MB21D2: variants seen among roughly 807,000 people sequenced by gnomAD.
MB21D2 encodes nucleotidyltransferase MB21D2.
Under a neutral mutation model 33.3 loss-of-function variants are expected in MB21D2, and 9 were observed. That is an observed-to-expected ratio of 0.27 (90% confidence interval 0.16 to 0.47). The LOEUF (loss-of-function observed/expected upper bound fraction) is 0.47, where lower values mean the gene tolerates loss of function less well. Among genes scored for constraint, MB21D2 ranks in the 20% least tolerant of loss-of-function variants. The pLI is 0.99. For missense variants in MB21D2, 540 were observed against 624.6 expected (o/e 0.86, Z 1.44); for synonymous variants, 241 against 236.3 (o/e 1.02, Z -0.18).
intron 1 of MB21D2, among the ~76,000 whole-genome samples, chr3:192,886,885 C>T (rs994673478): frequency 1.3e-5 from 2 of 151,934 alleles, no homozygotes; most frequent in African/African-American, 4.8e-5. Context: ...CATTCTCATC[C>T]ATAAGTCCAT....
chr3:192,865,290 G>A (rs1713145910), intron 1 of MB21D2, among the ~76,000 whole-genome samples: 1 of 152,230 alleles, frequency 6.6e-6, no homozygotes, highest in Non-Finnish European at 1.5e-5. Context: ...AGGAGGCTCA[G>A]AGGTAGGTGA....
chr3:192,917,607 A>G, intron 1 of MB21D2, 23 bp downstream of exon 1: 4 of 1,610,802 alleles, frequency 2.5e-6, no homozygotes, highest in Non-Finnish European at 3.4e-6. Context: ...ACGCACACAC[A>G]CCTCCCCCTT....
chr3:192,799,232 T>C lies in MB21D2; in HGVS notation c.630A>G (p.Val210=), dbSNP rs2108607390. The part of the protein sequence containing the change: ...QKKPQRGMPK[V]EKVEKNGTII... ...TGGTCCCATTTTTTTCCACCTTTTC[T>C]ACCTTTGGCATCCCTCGCTGGGGTT... The change falls in exon 2 of 2, where the codon GTA becomes GTG. Residue 210 remains valine, a synonymous_variant. Coordinates refer to ENST00000392452, the MANE Select transcript of MB21D2 (RefSeq NM_178496.4). This position sits in a 1 kb window ranked among gnomAD's most constrained non-coding sequence, Gnocchi z 4.1. 1 of 1,614,236 alleles carries C rather than the reference T, an allele frequency of 6.2e-7. No homozygotes were observed. Among genetic ancestry groups the C allele is most frequent in the Non-Finnish European group, 8.5e-7 (1 of 1,180,044 alleles).
intron 1 of MB21D2, among the ~76,000 whole-genome samples, chr3:192,891,118 G>T (rs1382833488): frequency 6.6e-6 from 1 of 152,116 alleles, no homozygotes; most frequent in East Asian, 1.9e-4. Flanking sequence ...AAGTTTTCTG[G>T]TCACATTAAT....
rs945806776 is a variant in MB21D2 at position 192,823,996 on chromosome 3, A to G, written c.212-24346T>C. Among the ~76,000 whole-genome samples the G allele has an allele frequency of 7.9e-5, 12 of 152,336 alleles. No homozygotes were observed. In the East Asian group the frequency reaches 2.1e-3, roughly 27 times the overall value. On this transcript the variant is annotated intron_variant, in intron 1 of 1. Transcript: ENST00000392452. ...CAGGAACTTGTTTTTGAGAGACCTC[A>G]GTGAGTACAAAAGACAATGTCTAGT...
chr3:192,865,642 G>T (rs1577188448), intron 1 of MB21D2, among the ~76,000 whole-genome samples: 1 of 152,272 alleles, frequency 6.6e-6, no homozygotes, highest in East Asian at 1.9e-4. Flanking sequence ...GATGCCTGTG[G>T]CTGTGATGAA....
chr3:192,820,124 G>A (rs1483509459), intron 1 of MB21D2, among the ~76,000 whole-genome samples: 1 of 152,116 alleles, frequency 6.6e-6, no homozygotes, highest in African/African-American at 2.4e-5. Flanking sequence ...GAGAGAAAGG[G>A]GAGGGAGATG....
intron 1 of MB21D2, among the ~76,000 whole-genome samples, chr3:192,862,168 T>C (rs1160649398): frequency 6.6e-6 from 1 of 152,208 alleles, no homozygotes; most frequent in African/African-American, 2.4e-5. Flanking sequence ...TCTGCTTTCA[T>C]CTGTGCTGCT....
chr3:192,817,955 C>A (rs1026737460), intron 1 of MB21D2, among the ~76,000 whole-genome samples: 1 of 149,764 alleles, frequency 6.7e-6, no homozygotes, highest in Non-Finnish European at 1.5e-5. Flanking sequence ...AGCCCCCAAA[C>A]GGATCCCCCA....
chr3:192,892,166 T>C (rs1441399200), intron 1 of MB21D2, among the ~76,000 whole-genome samples: 1 of 152,204 alleles, frequency 6.6e-6, no homozygotes, highest in African/African-American at 2.4e-5. Flanking sequence ...ACTTCAGGAA[T>C]CGTGCTACAT....
intron 1 of MB21D2, among the ~76,000 whole-genome samples, chr3:192,839,472 C>G (rs1488632412): frequency 6.6e-6 from 1 of 152,160 alleles, no homozygotes; most frequent in Non-Finnish European, 1.5e-5. Flanking sequence ...CATCAAGCAA[C>G]TCATCTTGAA....
intron 1 of MB21D2, among the ~76,000 whole-genome samples, chr3:192,851,548 G>A (rs1318461926): frequency 1.5e-5 from 2 of 137,150 alleles, no homozygotes; most frequent in Non-Finnish European, 3.0e-5. Context: ...AGGCTGGAGT[G>A]CAGTGCCACG....
chr3:192,833,091 T>C (rs1285398407), intron 1 of MB21D2, among the ~76,000 whole-genome samples: 1 of 151,978 alleles, frequency 6.6e-6, no homozygotes, highest in East Asian at 1.9e-4. Flanking sequence ...TCAATAATGT[T>C]AGGTCATTTT....
In MB21D2 at chr3:192,830,380, G is replaced by A. The variant is rs150334251; in HGVS notation, c.212-30730C>T. ...TTAAGCACTGTTTAGGTTCCATTCCGCACCCCCACCCCCTGCAAGCTAATT... is the reference window on the plus strand; with the variant it reads ...TTAAGCACTGTTTAGGTTCCATTCCACACCCCCACCCCCTGCAAGCTAATT... On this transcript the variant is annotated intron_variant, in intron 1 of 1. Transcript: ENST00000392452. 1.1e-3 allele frequency among the ~76,000 whole-genome samples: 174 copies of A among 151,946 alleles called. 2 individuals carry two copies. The highest frequency in any genetic ancestry group is 1.7e-3 in the Non-Finnish European group (115 of 67,976).
intron 1 of MB21D2, among the ~76,000 whole-genome samples, chr3:192,898,946 C>T (rs1714035489): frequency 6.6e-6 from 1 of 152,140 alleles, no homozygotes; most frequent in African/African-American, 2.4e-5. Flanking sequence ...GGAGGATGTG[C>T]TATTTTCAAA....
At position 192,878,229 on chromosome 3, in the gene MB21D2, C is replaced by CA. The variant is rs563603137; in HGVS notation, c.211+39400dup. Among the ~76,000 whole-genome samples, 309 of 151,146 alleles carry CA rather than the reference C, an allele frequency of 2.0e-3. 1 individual carries two copies. Among genetic ancestry groups the CA allele is most frequent in the Non-Finnish European group, 3.1e-3 (208 of 67,682 alleles). ...CTCCTCTTATCCTCACCTCAACACC[C>CA]AAAAAAAAGGAGAGAGCGACAAAAT... On this transcript the variant is annotated intron_variant, in intron 1 of 1. Transcript: ENST00000392452.
chr3:192,892,744 T>C (rs957123191), intron 1 of MB21D2, among the ~76,000 whole-genome samples: 3 of 152,040 alleles, frequency 2.0e-5, no homozygotes, highest in Non-Finnish European at 4.4e-5. Flanking sequence ...CGCCCGGCCA[T>C]AGTCATTGCT....
chr3:192,802,308 A>G (rs967851027), intron 1 of MB21D2, among the ~76,000 whole-genome samples: 111 of 152,180 alleles, frequency 7.3e-4, no homozygotes, highest in African/African-American at 2.5e-3. Context: ...TCCTACTTGA[A>G]CCTGCTTCCT....
chr3:192,872,556 A>G (rs1321491204), intron 1 of MB21D2, among the ~76,000 whole-genome samples: 1 of 144,686 alleles, frequency 6.9e-6, no homozygotes, highest in Non-Finnish European at 1.5e-5. Flanking sequence ...AGCCTGGGCC[A>G]CAGAGCGAGA....
Sources: allele counts gnomAD v4.1 joint callset (sites outside exome capture counted in the v4.1 genomes callset), GRCh38; gene constraint gnomAD v4.1.1; non-coding constraint Gnocchi (gnomAD v3.1); transcripts MANE v1.5; gene names NCBI Gene and HGNC (gene_info 2026-07-23, HGNC 2026-07-21).